SLC17A1: variants seen among roughly 807,000 people sequenced by gnomAD.
The protein encoded by SLC17A1 is solute carrier family 17 member 1.
SLC17A1 carries 51 observed loss-of-function variants against 53.5 expected under a neutral mutation model. The observed-to-expected ratio is 0.95, with a 90% CI of 0.76 to 1.20. The LOEUF (loss-of-function observed/expected upper bound fraction) is 1.20. Among genes scored for constraint, SLC17A1 ranks in the 50% most tolerant of loss-of-function variants. The pLI is 0.00. For synonymous variants in SLC17A1, 179 were observed against 198.8 expected (o/e 0.90, Z 0.84); for missense variants, 538 against 568.2 (o/e 0.95, Z 0.54).
chr6:25,752,387 A>G, the SLC17A1 span, among the ~76,000 whole-genome samples: 1 of 152,184 alleles, frequency 6.6e-6, no homozygotes, highest in Non-Finnish European at 1.5e-5. Context: ...TGTCTAGGAG[A>G]CTTATCATAA....
intron 6 of SLC17A1, among the ~76,000 whole-genome samples, chr6:25,816,564 C>A (rs182761859): frequency 5.8e-4 from 89 of 152,334 alleles, no homozygotes; most frequent in Non-Finnish European, 1.1e-3. Flanking sequence ...CTAGGGCAAG[C>A]GCCCTCTGGC....
chr6:25,819,611 A>G lies in SLC17A1; in HGVS notation c.442-13T>C, dbSNP rs1764479612. On this transcript the variant is annotated splice_polypyrimidine_tract_variant and intron_variant, in intron 4 of 12. Transcript: ENST00000244527. Reference sequence around the variant, plus strand: ...TTGCAACTATCCCCTGAAATGAGAAAGGTTTGACATTTAATCTCTAATACT... The same window carrying G: ...TTGCAACTATCCCCTGAAATGAGAAGGGTTTGACATTTAATCTCTAATACT... The G allele has an allele frequency of 6.2e-7, 1 of 1,613,438 alleles. No homozygotes were observed. The highest frequency in any genetic ancestry group is 8.5e-7 in the Non-Finnish European group (1 of 1,179,362).
At chr6:25,724,995 G>GTT in the SLC17A1 span, among the ~76,000 whole-genome samples, 116 of 137,882 alleles carry the variant, frequency 8.4e-4, no homozygotes, top group African/African-American at 1.7e-3. Context: ...GTGTTTAGCA[G>GTT]TTTTTTTTTT....
chr6:25,773,798 A>G, the SLC17A1 span: 1 of 889,924 alleles, frequency 1.1e-6, no homozygotes, highest in South Asian at 1.9e-5. Context: ...CAGGACCTCC[A>G]TATAGGAAAT....
At chr6:25,757,664 T>G in the SLC17A1 span, among the ~76,000 whole-genome samples, 2 of 152,092 alleles carry the variant, frequency 1.3e-5, no homozygotes, top group African/African-American at 4.8e-5. Context: ...TAGCTGTGGC[T>G]TCTGATCTTT....
At chr6:25,817,863 C>T (rs982570969) in intron 6 of SLC17A1, among the ~76,000 whole-genome samples, 4 of 152,198 alleles carry the variant, frequency 2.6e-5, no homozygotes, top group Middle Eastern at 3.2e-3. Context: ...GTTTTTTCAG[C>T]CCCTTTCCTG....
intron 10 of SLC17A1, among the ~76,000 whole-genome samples, chr6:25,802,585 G>A (rs1445039431): frequency 2.0e-5 from 3 of 152,034 alleles, no homozygotes; most frequent in African/African-American, 7.2e-5. Flanking sequence ...AGTTTGCCTC[G>A]AAATGTTATT....
the SLC17A1 span, chr6:25,727,405 T>TTC: frequency 9.9e-7 from 1 of 1,005,586 alleles, no homozygotes. Context: ...AAGGGTTTTT[T>TTC]TTTTTTTTGA....
the SLC17A1 span, chr6:25,768,844 CA>C: frequency 1.3e-6 from 1 of 775,320 alleles, no homozygotes. Flanking sequence ...AACAAAATTC[CA>C]CTACACACCT....
chr6:25,738,556 AG>A, the SLC17A1 span, among the ~76,000 whole-genome samples: 2 of 151,774 alleles, frequency 1.3e-5, no homozygotes, highest in African/African-American at 4.8e-5. Flanking sequence ...AAAAAGTAAA[AG>A]CTTTTGTTCT....
At chr6:25,726,977 C>T in the SLC17A1 span, 1 of 1,613,898 alleles carries the variant, frequency 6.2e-7, no homozygotes, top group Non-Finnish European at 8.5e-7. Flanking sequence ...TCGTTAAGAC[C>T]CAGAAAAAGG....
chr6:25,804,357 C>G (rs1300825002), intron 10 of SLC17A1, among the ~76,000 whole-genome samples: 2 of 152,100 alleles, frequency 1.3e-5, no homozygotes, highest in Non-Finnish European at 2.9e-5. Context: ...GGATTTGTCT[C>G]TAGCAGACTA....
chr6:25,749,056 G>A, the SLC17A1 span, among the ~76,000 whole-genome samples: 5 of 152,146 alleles, frequency 3.3e-5, no homozygotes, highest in Non-Finnish European at 7.3e-5. Context: ...CCTCAGCACA[G>A]ACCCTTCACA....
intron 5 of SLC17A1, 57 bp from the exon 6 acceptor site, chr6:25,819,211 T>G: frequency 2.5e-6 from 3 of 1,222,376 alleles, no homozygotes; most frequent in Non-Finnish European, 3.5e-6. Flanking sequence ...AAAGCAGAGA[T>G]AATGTAGCCT....
chr6:25,782,298 C>A (rs1366077498), downstream of SLC17A1, among the ~76,000 whole-genome samples: 1 of 152,184 alleles, frequency 6.6e-6, no homozygotes, highest in African/African-American at 2.4e-5. Flanking sequence ...AGGGCTATCG[C>A]CACACTGTTC....
chr6:25,724,847 C>T, the SLC17A1 span, among the ~76,000 whole-genome samples: 52 of 151,672 alleles, frequency 3.4e-4, no homozygotes, highest in Admixed American at 7.9e-4. Flanking sequence ...CAATTTTTGC[C>T]GTCCCTAACT....
At chr6:25,830,164 G>T (rs1242875752) in intron 2 of SLC17A1, among the ~76,000 whole-genome samples, 1 of 152,144 alleles carries the variant, frequency 6.6e-6, no homozygotes, top group Non-Finnish European at 1.5e-5. Flanking sequence ...AGCTGTTGAT[G>T]TCCAAGAATG....
chr6:25,830,247 C>G (rs1170394830), intron 2 of SLC17A1, among the ~76,000 whole-genome samples: 1 of 152,110 alleles, frequency 6.6e-6, no homozygotes, highest in Non-Finnish European at 1.5e-5. Context: ...GGAGATGGAA[C>G]CAAAATAGCC....
downstream of SLC17A1, among the ~76,000 whole-genome samples, chr6:25,782,548 C>T (rs1197237867): frequency 6.6e-6 from 1 of 152,072 alleles, no homozygotes; most frequent in Non-Finnish European, 1.5e-5. Context: ...CCAGATTTTT[C>T]TTTAATTGTA....
Sources: gnomAD v4.1 joint callset for allele counts (sites outside exome capture counted in the v4.1 genomes callset) on GRCh38, gnomAD v4.1.1 for gene constraint, MANE v1.5 for transcripts, NCBI Gene and HGNC (gene_info 2026-07-23, HGNC 2026-07-21) for gene names.